CCDC171: variants seen among roughly 807,000 people sequenced by gnomAD.
The protein encoded by CCDC171 is coiled-coil domain-containing protein 171.
In CCDC171, 177 loss-of-function variants were observed where a neutral mutation model predicts 168.2. That is an observed-to-expected ratio of 1.05 (90% CI 0.93 to 1.19). The LOEUF (loss-of-function observed/expected upper bound fraction) is 1.19, where lower values mean the gene tolerates loss of function less well. CCDC171 is among the 50% of genes most tolerant of loss of function. CCDC171 has a pLI of 0.00. For synonymous variants in CCDC171, 687 were observed against 540.8 expected, an observed-to-expected ratio of 1.27 and a Z score of -3.75; for missense variants, 1,991 against 1,539.0, an observed-to-expected ratio of 1.29 and a Z score of -4.91.
At chr9:16,026,544 C>T (rs796740696) in intron 6 of CCDC171, among the ~76,000 whole-genome samples, 11 of 152,234 alleles carry the variant, frequency 7.2e-5, no homozygotes, top group African/African-American at 1.7e-4. Flanking sequence ...ATTCTTGGAC[C>T]TTGATCCTCA....
At chr9:15,705,719 C>G (rs532682900) in intron 11 of CCDC171, among the ~76,000 whole-genome samples, 17 of 152,278 alleles carry the variant, frequency 1.1e-4, no homozygotes, top group African/African-American at 4.1e-4. Flanking sequence ...ACATTTCTAT[C>G]ATAGTATATG....
intron 1 of CCDC171, among the ~76,000 whole-genome samples, chr9:16,056,522 C>T (rs1302656829): frequency 6.6e-6 from 1 of 152,126 alleles, no homozygotes; most frequent in Non-Finnish European, 1.5e-5. Flanking sequence ...GAGTCTCGTT[C>T]TGTGGCCCAG....
intron 6 of CCDC171, among the ~76,000 whole-genome samples, chr9:15,619,875 C>G (rs981253193): frequency 6.6e-6 from 1 of 152,144 alleles, no homozygotes; most frequent in African/African-American, 2.4e-5. Flanking sequence ...AGCCATTGCT[C>G]ATTTACCATT....
At chr9:16,104,592 C>T in the CCDC171 span, among the ~76,000 whole-genome samples, 1 of 152,106 alleles carries the variant, frequency 6.6e-6, no homozygotes, top group Admixed American at 6.6e-5. Context: ...ATGGACAGGG[C>T]CCAGATGTAG....
At chr9:16,098,063 A>G in the CCDC171 span, among the ~76,000 whole-genome samples, 1 of 152,214 alleles carries the variant, frequency 6.6e-6, no homozygotes, top group East Asian at 1.9e-4. Context: ...CAATCAGCGT[A>G]GCCTTTGTAG....
intron 3 of CCDC171, among the ~76,000 whole-genome samples, chr9:15,981,084 A>T (rs2132869278): frequency 6.6e-6 from 1 of 152,272 alleles, no homozygotes; most frequent in South Asian, 2.1e-4. Context: ...GAGAAAAGCC[A>T]GGAAAGACGT....
chr9:15,814,946 T>C (rs2136017204), intron 21 of CCDC171, among the ~76,000 whole-genome samples: 1 of 152,336 alleles, frequency 6.6e-6, no homozygotes, highest in Non-Finnish European at 1.5e-5. Context: ...CTTCTGAAGC[T>C]GGAGTATTAT....
intron 23 of CCDC171, among the ~76,000 whole-genome samples, chr9:15,872,167 A>G (rs541419114): frequency 5.3e-5 from 8 of 152,016 alleles, no homozygotes; most frequent in Non-Finnish European, 1.0e-4. Flanking sequence ...AAGCATGCAT[A>G]TTATTCAAAT....
At chr9:15,823,919 A>T (rs1001315510) in intron 21 of CCDC171, among the ~76,000 whole-genome samples, 1 of 152,138 alleles carries the variant, frequency 6.6e-6, no homozygotes, top group Non-Finnish European at 1.5e-5. Context: ...TAAGTTTTAG[A>T]ATAGACATTG....
chr9:15,685,860 G>A (rs965731161), intron 10 of CCDC171, among the ~76,000 whole-genome samples: 2 of 152,098 alleles, frequency 1.3e-5, no homozygotes, highest in African/African-American at 2.4e-5. Flanking sequence ...AGACATCTCT[G>A]TAGAATGATG....
At chr9:15,743,446 C>A (rs949931345) in intron 16 of CCDC171, among the ~76,000 whole-genome samples, 3 of 152,118 alleles carry the variant, frequency 2.0e-5, no homozygotes, top group African/African-American at 7.2e-5. Context: ...ACTGGGATTA[C>A]AGGCGTGAGC....
At chr9:16,001,520 A>G (rs1456464717) in intron 3 of CCDC171, among the ~76,000 whole-genome samples, 1 of 152,010 alleles carries the variant, frequency 6.6e-6, no homozygotes, top group South Asian at 2.1e-4. Flanking sequence ...CCCAGATTCA[A>G]AGGTTTGCTG....
At chr9:15,609,342 C>A (rs1369488180) in intron 6 of CCDC171, among the ~76,000 whole-genome samples, 2 of 152,138 alleles carry the variant, frequency 1.3e-5, no homozygotes, top group African/African-American at 2.4e-5. Context: ...CTCCTGACCT[C>A]AGGTGATCCA....
At chr9:15,920,988 A>C (rs1564003989) in intron 25 of CCDC171, among the ~76,000 whole-genome samples, 1 of 151,682 alleles carries the variant, frequency 6.6e-6, no homozygotes, top group Admixed American at 6.6e-5. Context: ...TCTCTACTTG[A>C]AATATATTTT....
At chr9:16,014,402 C>G (rs894463267) in intron 3 of CCDC171, among the ~76,000 whole-genome samples, 1 of 152,188 alleles carries the variant, frequency 6.6e-6, no homozygotes, top group Non-Finnish European at 1.5e-5. Flanking sequence ...CCCTCAAAGT[C>G]ATGCATGAAT....
chr9:15,843,241 G>T (rs1232105234), intron 21 of CCDC171, among the ~76,000 whole-genome samples: 1 of 151,936 alleles, frequency 6.6e-6, no homozygotes, highest in Non-Finnish European at 1.5e-5. Flanking sequence ...AGTCATTTTG[G>T]GATACCATTG....
Position 15,649,511 on chromosome 9 carries a change from C to G in CCDC171, c.823-7616C>G, listed in dbSNP as rs191803530. Reference sequence around the variant, plus strand: ...TGGAATCTACTCATCTGACAAAGGGCTAATATCCAGAATCTACAATGAACT... The same window carrying G: ...TGGAATCTACTCATCTGACAAAGGGGTAATATCCAGAATCTACAATGAACT... On this transcript the variant is annotated intron_variant, in intron 7 of 25. Transcript: ENST00000380701. 9.2e-5 allele frequency among the ~76,000 whole-genome samples: 14 copies of G among 152,130 alleles called. No homozygotes were observed. In the East Asian group the frequency reaches 2.3e-3, roughly 25 times the overall value.
At chr9:16,048,859 A>G (rs559600195) in intron 1 of CCDC171, among the ~76,000 whole-genome samples, 26 of 151,654 alleles carry the variant, frequency 1.7e-4, no homozygotes, top group Admixed American at 8.6e-4. Flanking sequence ...GACAGGCAGT[A>G]TTAACAAGGG....
At chr9:15,742,946 T>A (rs1222807204) in intron 16 of CCDC171, among the ~76,000 whole-genome samples, 3 of 151,962 alleles carry the variant, frequency 2.0e-5, no homozygotes, top group African/African-American at 7.3e-5. Context: ...CTGATATTTT[T>A]AAATTTTTTT....
Sources: gnomAD v4.1 joint callset for allele counts (sites outside exome capture counted in the v4.1 genomes callset) on GRCh38, gnomAD v4.1.1 for gene constraint, MANE v1.5 for transcripts, NCBI Gene and HGNC (gene_info 2026-07-23, HGNC 2026-07-21) for gene names.